The following ZNF260 variants were observed in gnomAD, a reference collection of about 807,000 sequenced individuals.
The protein encoded by ZNF260 is zfp-260.
ZNF260 carries 21 observed loss-of-function variants against 29.3 expected under a neutral mutation model. The ratio of observed to expected loss-of-function variants is 0.72; its 90% CI spans 0.51 to 1.03. ZNF260 has a LOEUF of 1.03. ZNF260 is among the 50% of genes least tolerant of loss of function. ZNF260 has a pLI of 0.00. For synonymous variants in ZNF260, 156 were observed against 156.8 expected, an observed-to-expected ratio of 0.99 and a Z score of 0.04; for missense variants, 465 against 487.8, an observed-to-expected ratio of 0.95 and a Z score of 0.44.
rs2034456657 is a variant in ZNF260, at chr19:36,511,823, G to C, written c.*2177C>G. The C allele has an allele frequency of 2.0e-5, 3 of 151,970 alleles. No homozygotes were observed. The highest frequency in any genetic ancestry group is 7.2e-5 in the African/African-American group (3 of 41,380). 9.4% of individuals were successfully genotyped at this position (151,970 alleles called of 1,614,324 possible). A position where few individuals can be genotyped will look rare whatever the true frequency, so the allele number is the denominator to read the frequency against. ...TAACAAGGGGGTTGGGATTGACTTG[G>C]GTGTGTCTGACATAATTGAGAAAGA... On this transcript the variant is annotated 3_prime_UTR_variant, in exon 3 of 3. Transcript: ENST00000523638.
At position 36,513,690 on chromosome 19, in the gene ZNF260, T is replaced by C. The variant is rs957282656; in HGVS notation, c.*310A>G. The stretch of plus-strand genomic sequence containing the variant: ...TCTTAATTTCAAATCCTCATACATC[T>C]CATATCTATTTCTTAATGCATCTGT... On this transcript the variant is annotated 3_prime_UTR_variant, in exon 3 of 3. Coordinates refer to ENST00000523638, the MANE Select transcript of ZNF260 (RefSeq NM_001166037.2). 2.3e-6 allele frequency: 1 copy of C among 426,854 alleles called. No homozygotes were observed. Among genetic ancestry groups the C allele is most frequent in the Non-Finnish European group, 4.2e-6 (1 of 240,762 alleles). 26.4% of individuals were successfully genotyped at this position (426,854 alleles called of 1,614,324 possible).
At position 36,515,124 on chromosome 19, in the gene ZNF260, T is replaced by C. The variant is rs775051542; in HGVS notation, c.115A>G (p.Lys39Glu). ...TTCTTATGCTCTACAAGGTTTTGCT[T>C]CAGGCTAAAAGTTTTTCTACATTCA... ...CNECRKTFSL[K>E]QNLVEHKKMH... The change falls in exon 3 of 3, where the codon AAG (lysine) becomes GAG (glutamate). Residue 39 changes from lysine (K) to glutamate (E), a missense_variant. Physicochemically the swap from Lys to Glu is moderately conservative, Grantham distance 56. Transcript: ENST00000523638. 8 of 1,613,998 alleles carry C rather than the reference T, an allele frequency of 5.0e-6. No individual in the cohort carries two copies. Among genetic ancestry groups the C allele is most frequent in the Non-Finnish European group, 6.8e-6 (8 of 1,180,016 alleles).
rs1306450405 is a variant in ZNF260, at chr19:36,514,686, T to C, written c.553A>G (p.Ile185Val). 1 of 1,614,046 alleles carries C rather than the reference T, an allele frequency of 6.2e-7. No homozygotes were observed. The highest frequency in any genetic ancestry group is 1.1e-5 in the South Asian group (1 of 91,080). Residue 185 changes from isoleucine to valine, a missense_variant, in exon 3 of 3, where the codon ATC (isoleucine) becomes GTC (valine). Ile to Val is a conservative substitution (Grantham distance 29). Coordinates refer to ENST00000523638, the MANE Select transcript of ZNF260 (RefSeq NM_001166037.2). The part of the protein sequence containing the change: ...QKQYLIKHQN[I>V]HTGKKPFKCS... Reference sequence around the variant, plus strand: ...TTAAAGGGCTTCTTTCCAGTATGGATGTTCTGATGTTTAATGAGGTATTGC... The same window carrying C: ...TTAAAGGGCTTCTTTCCAGTATGGACGTTCTGATGTTTAATGAGGTATTGC...
In ZNF260 at chr19:36,514,416, G is replaced by A. The variant is rs1568549534; in HGVS notation, c.823C>T (p.Pro275Ser). 1.2e-6 allele frequency: 2 copies of A among 1,613,880 alleles called. No homozygotes were observed. The highest frequency in any genetic ancestry group is 1.7e-6 in the Non-Finnish European group (2 of 1,179,944). Residue 275 changes from proline to serine, a missense_variant, in exon 3 of 3, where the codon CCC becomes TCC. Transcript: ENST00000523638. ...GTTCCACATTCATTACATTTGTAGG[G>A]TTTCTCTCCAATATGAATTTTCTCA... ...EHEKIHIGEKPYKCNECGTIF... is the reference protein window; with the variant it reads ...EHEKIHIGEKSYKCNECGTIF...
chr19:36,517,422 T>G (rs984714737), intron 2 of ZNF260: 3 of 151,842 alleles, frequency 2.0e-5, no homozygotes, highest in African/African-American at 7.3e-5. Context: ...TAGGAAATTT[T>G]GGAAAGAAAG....
intron 2 of ZNF260, among the ~76,000 whole-genome samples, chr19:36,522,333 G>A (rs1357458528): frequency 6.6e-6 from 1 of 151,942 alleles, no homozygotes; most frequent in Non-Finnish European, 1.5e-5. Flanking sequence ...ACATGTTCCT[G>A]TAATGCCAGC....
chr19:36,521,080 C>CAA (rs767618733), intron 2 of ZNF260, among the ~76,000 whole-genome samples: 5,487 of 108,556 alleles, frequency 0.051, 142 homozygotes, highest in Non-Finnish European at 0.073. Flanking sequence ...GACCTTGTCT[C>CAA]AAAAAAAAAA....
At chr19:36,526,323 C>T (rs2034732986) in intron 1 of ZNF260, among the ~76,000 whole-genome samples, 1 of 151,914 alleles carries the variant, frequency 6.6e-6, no homozygotes, top group Admixed American at 6.6e-5. Flanking sequence ...GGCTGACCAC[C>T]TGAGGTCAGG....
rs372190500 is a variant in ZNF260 at position 36,513,967 on chromosome 19, G to A, written c.*33C>T. ...CTATTAAGTGTAAAATCTGCTGAAC[G>A]TTTTGCTAAATCCAAGGCATTCATA... On this transcript the variant is annotated 3_prime_UTR_variant, in exon 3 of 3. Coordinates refer to ENST00000523638, the MANE Select transcript of ZNF260 (RefSeq NM_001166037.2). The A allele has an allele frequency of 4.0e-5, 64 of 1,580,780 alleles. No homozygotes were observed. The highest frequency in any genetic ancestry group is 7.2e-5 in the Admixed American group (4 of 55,300).
In ZNF260 at chr19:36,515,322, T is replaced by C; in HGVS notation, c.-84A>G. 1 of 1,337,860 alleles carries C rather than the reference T, an allele frequency of 7.5e-7. No homozygotes were observed. The highest frequency in any genetic ancestry group is 9.9e-7 in the Non-Finnish European group (1 of 1,005,586). The allele number at this position is 1,337,860 out of a possible 1,614,324, so 82.9% of individuals were successfully genotyped here. ...AGCTTTCCCACATTCACTAAATTCA[T>C]ATGGTGTATTTTCAATATTAATTCT... On this transcript the variant is annotated 5_prime_UTR_variant, in exon 3 of 3. It adds an upstream start codon to the 5' untranslated region. Transcript: ENST00000523638.
At chr19:36,527,274 G>A (rs1441372459) in intron 1 of ZNF260, among the ~76,000 whole-genome samples, 3 of 152,134 alleles carry the variant, frequency 2.0e-5, no homozygotes, top group Non-Finnish European at 4.4e-5. Context: ...ACTAAGTCCT[G>A]TCTTCTTTGT....
At chr19:36,525,889 A>C (rs1027740210) in intron 1 of ZNF260, among the ~76,000 whole-genome samples, 2 of 152,176 alleles carry the variant, frequency 1.3e-5, no homozygotes, top group African/African-American at 4.8e-5. Context: ...TGAGAGACTA[A>C]GATGCCAGAG....
chr19:36,514,603 T>C lies in ZNF260; in HGVS notation c.636A>G (p.Arg212=), dbSNP rs762364957. 4 of 1,614,054 alleles carry C rather than the reference T, an allele frequency of 2.5e-6. No individual in the cohort carries two copies. Among genetic ancestry groups the C allele is most frequent in the African/African-American group, 2.7e-5 (2 of 74,942 alleles). ...SQKENLIIHQ[R]IHTGEKPYEC... Reference sequence around the variant, plus strand: ...CATAAGGTTTCTCTCCAGTATGGATTCTCTGATGTATAATGAGGTTTTCCT... The same window carrying C: ...CATAAGGTTTCTCTCCAGTATGGATCCTCTGATGTATAATGAGGTTTTCCT... The change falls in exon 3 of 3, where the codon AGA becomes AGG. Residue 212 remains arginine, a synonymous_variant. Coordinates refer to ENST00000523638, the MANE Select transcript of ZNF260 (RefSeq NM_001166037.2).
In ZNF260 at chr19:36,514,355, T is replaced by G; in HGVS notation, c.884A>C (p.His295Pro). The G allele has an allele frequency of 6.2e-7, 1 of 1,614,150 alleles. No homozygotes were observed. The highest frequency in any genetic ancestry group is 8.5e-7 in the Non-Finnish European group (1 of 1,180,020). The change falls in exon 3 of 3, where the codon CAC becomes CCC. Residue 295 changes from histidine to proline, a missense_variant. His to Pro is a moderately conservative substitution (Grantham distance 77, BLOSUM62 -2). Transcript: ENST00000523638. ...GGGTTTCTCTCCTGTATGAATATTG[T>G]GATGTTTAATGAGGTATTGCTTCTG... is the stretch of plus-strand genomic sequence containing the variant. ...FRQKQYLIKH[H>P]NIHTGEKPYE...
intron 1 of ZNF260, among the ~76,000 whole-genome samples, chr19:36,525,793 GAA>G (rs199667757): frequency 5.8e-5 from 7 of 119,836 alleles, no homozygotes; most frequent in Non-Finnish European, 9.0e-5. Context: ...CTCAAGGAAG[GAA>G]AAAAAAAAAA....
In ZNF260 at chr19:36,511,918, A is replaced by G. The variant is rs920529505; in HGVS notation, c.*2082T>C. The G allele has an allele frequency of 5.9e-5, 9 of 152,200 alleles. No homozygotes were observed. Among genetic ancestry groups the G allele is most frequent in the African/African-American group, 2.2e-4 (9 of 41,448 alleles). The allele number at this position is 152,200 out of a possible 1,614,324, so 9.4% of individuals were successfully genotyped here. On this transcript the variant is annotated 3_prime_UTR_variant, in exon 3 of 3. Coordinates refer to ENST00000523638, the MANE Select transcript of ZNF260 (RefSeq NM_001166037.2). ...ATGTTTTCCTCAATGGCTTATAAAA[A>G]AATTGAAGAGTGACACAGTTTTCTC...
At chr19:36,525,655 C>T (rs1267123236) in intron 1 of ZNF260, among the ~76,000 whole-genome samples, 1 of 151,976 alleles carries the variant, frequency 6.6e-6, no homozygotes, top group African/African-American at 2.4e-5. Flanking sequence ...GGCGTGGTGG[C>T]ATATGCCTGT....
At position 36,515,209 on chromosome 19, in the gene ZNF260, A is replaced by G; in HGVS notation, c.30T>C (p.His10=). The G allele has an allele frequency of 6.3e-7, 1 of 1,590,956 alleles. No individual in the cohort carries two copies. The highest frequency in any genetic ancestry group is 8.6e-7 in the Non-Finnish European group (1 of 1,167,138). The stretch of plus-strand genomic sequence containing the variant: ...GATCATGCTGAAGGAGATCTGATTC[A>G]TGCTGAAGACTTTCCAACATGCCTA... The part of the protein sequence containing the change: MIGMLESLQ[H]ESDLLQHDQI... The change falls in exon 3 of 3, where the codon CAT becomes CAC. Residue 10 remains histidine (H), a synonymous_variant. Coordinates refer to ENST00000523638, the MANE Select transcript of ZNF260 (RefSeq NM_001166037.2).
In ZNF260 at chr19:36,513,527, T is replaced by G. The variant is rs1195344247; in HGVS notation, c.*473A>C. On this transcript the variant is annotated 3_prime_UTR_variant, in exon 3 of 3. Transcript: ENST00000523638. ...CTCTATCAATTACCAATTCCCCATA[T>G]ATTCATGCACACATTTCTGAATTCA... 2.6e-6 allele frequency: 1 copy of G among 387,548 alleles called. No individual in the cohort carries two copies. The highest frequency in any genetic ancestry group is 4.6e-6 in the Non-Finnish European group (1 of 219,438). The allele number at this position is 387,548 out of a possible 1,614,324, so 24.0% of individuals were successfully genotyped here. A position where few individuals can be genotyped will look rare whatever the true frequency, so the allele number is the denominator to read the frequency against.
Sources: allele counts gnomAD v4.1 joint callset (sites outside exome capture counted in the v4.1 genomes callset), GRCh38; gene constraint gnomAD v4.1.1; transcripts MANE v1.5; gene names NCBI Gene and HGNC (gene_info 2026-07-23, HGNC 2026-07-21).